Variants in DERL2 observed in about 807,000 individuals in gnomAD.
DERL2 encodes derlin 2.
In DERL2, 13 loss-of-function variants were observed where a neutral mutation model predicts 32.0. The observed-to-expected ratio is 0.41, with a 90% CI of 0.26 to 0.65. The LOEUF is 0.65. Ranked by LOEUF, DERL2 falls within the 30% of genes least tolerant of loss-of-function variation. The pLI is 0.35. For missense variants in DERL2, 208 were observed against 296.3 expected (o/e 0.70, Z 2.19); for synonymous variants, 111 against 104.7 (o/e 1.06, Z -0.37).
intron 6 of DERL2, among the ~76,000 whole-genome samples, chr17:5,478,679 G>C (rs1905551294): frequency 6.6e-6 from 1 of 152,124 alleles, no homozygotes; most frequent in Non-Finnish European, 1.5e-5. Context: ...TTACAGAAGA[G>C]AAAACCAAGC....
At position 5,486,128 on chromosome 17, in the gene DERL2, G is replaced by GCAGGTACTC; in HGVS notation, c.25_33dup (p.Glu9_Leu11dup). ...TAGGCGCGGCTGACCGGTGGGATCT[G>GCAGGTACTC]CAGGTACTCCAGCCGCAAGCTCTGG... On this transcript the variant is annotated inframe_insertion, in exon 1 of 7. Transcript: ENST00000158771. 6.2e-7 allele frequency: 1 copy of GCAGGTACTC among 1,610,630 alleles called. No individual in the cohort carries two copies. Among genetic ancestry groups the GCAGGTACTC allele is most frequent in the Non-Finnish European group, 8.5e-7 (1 of 1,178,612 alleles).
In DERL2 at chr17:5,481,439, A is replaced by T. The variant is rs780149617; in HGVS notation, c.234-50T>A. On this transcript the variant is annotated intron_variant, in intron 3 of 6. Transcript: ENST00000158771. The surrounding 1 kb of genome is among the most constrained non-coding windows in gnomAD (Gnocchi z 4.4). ...TTAAGCACACGAATATGAACAAAGTAAAAATTTAATGTTATCTTGTAAGTA... is the reference window on the plus strand; with the variant it reads ...TTAAGCACACGAATATGAACAAAGTTAAAATTTAATGTTATCTTGTAAGTA... 9.1e-6 allele frequency: 12 copies of T among 1,315,926 alleles called. No homozygotes were observed. The highest frequency in any genetic ancestry group is 1.3e-5 in the Non-Finnish European group (12 of 914,694). The allele number at this position is 1,315,926 out of a possible 1,614,324, so 81.5% of individuals were successfully genotyped here.
chr17:5,476,550 G>T (rs1045716332), intron 6 of DERL2, among the ~76,000 whole-genome samples: 1 of 152,154 alleles, frequency 6.6e-6, no homozygotes, highest in South Asian at 2.1e-4. Context: ...GGGAGGCCGA[G>T]GAGGGTGGAT....
In DERL2 at chr17:5,480,402, T is replaced by C. The variant is rs1905696909; in HGVS notation, c.508A>G (p.Ile170Val). 2.5e-6 allele frequency: 4 copies of C among 1,613,680 alleles called. No homozygotes were observed. The East Asian group carries it at 8.9e-5, about 36-fold the overall frequency. ...AGAGCCTTACCCAAAAGGTCCACAATGATTGAGTTCCCCAACAACAAGGAA... is the reference window on the plus strand; with the variant it reads ...AGAGCCTTACCCAAAAGGTCCACAACGATTGAGTTCCCCAACAACAAGGAA... ...GFSLLLGNSIIVDLLGIAVGH... is the reference protein window; with the variant it reads ...GFSLLLGNSIVVDLLGIAVGH... Residue 170 changes from isoleucine (I) to valine (V), a missense_variant, in exon 5 of 7, where the codon ATT (isoleucine) becomes GTT (valine). Physicochemically the swap from Ile to Val is conservative, Grantham distance 29 (BLOSUM62 3). Transcript: ENST00000158771.
At position 5,481,478 on chromosome 17, in the gene DERL2, T is replaced by C; in HGVS notation, c.234-89A>G. On this transcript the variant is annotated intron_variant, in intron 3 of 6. Transcript: ENST00000158771. The surrounding 1 kb of genome is among the most constrained non-coding windows in gnomAD (Gnocchi z 4.4). ...ATCTTGTAAGTACACTTGGATTCCA[T>C]ATTATTTGTAATTAGTCAAGTCTTC... 6.8e-6 allele frequency: 6 copies of C among 880,584 alleles called. No individual in the cohort carries two copies. Among genetic ancestry groups the C allele is most frequent in the Non-Finnish European group, 1.1e-5 (6 of 543,120 alleles). The allele number at this position is 880,584 out of a possible 1,614,324, so 54.5% of individuals were successfully genotyped here.
At chr17:5,478,382 A>G (rs909628355) in intron 6 of DERL2, among the ~76,000 whole-genome samples, 2 of 152,204 alleles carry the variant, frequency 1.3e-5, no homozygotes, top group Non-Finnish European at 2.9e-5. Flanking sequence ...CTGCATATGT[A>G]ATTTCTTGTA....
intron 6 of DERL2, among the ~76,000 whole-genome samples, chr17:5,475,056 T>C (rs1461181500): frequency 6.6e-6 from 1 of 152,194 alleles, no homozygotes; most frequent in Non-Finnish European, 1.5e-5. Flanking sequence ...ATATCCTCAA[T>C]TTCCAGAGGT....
At position 5,474,555 on chromosome 17, in the gene DERL2, TA is replaced by T. The variant is rs1905269061; in HGVS notation, c.*128del. On this transcript the variant is annotated 3_prime_UTR_variant, in exon 7 of 7. Transcript: ENST00000158771. This position sits in a 1 kb window ranked among gnomAD's most constrained non-coding sequence, Gnocchi z 4.3. ...CTGGATTAGTCAGTGTACCATTTCA[TA>T]AAGTGCTTCTGGAGTTAAAATCTGC... 2 of 675,456 alleles carry T rather than the reference TA, an allele frequency of 3.0e-6. No homozygotes were observed. The highest frequency in any genetic ancestry group is 2.5e-6 in the Non-Finnish European group (1 of 394,040). 41.8% of individuals were successfully genotyped at this position (675,456 alleles called of 1,614,324 possible). A position where few individuals can be genotyped will look rare whatever the true frequency, so the allele number is the denominator to read the frequency against.
chr17:5,486,369 G>T (rs1466030567), upstream of DERL2: 4 of 454,910 alleles, frequency 8.8e-6, no homozygotes. Flanking sequence ...CCCCCCCAGC[G>T]CCCCATCTCC....
chr17:5,476,450 A>C (rs111640031), intron 6 of DERL2, among the ~76,000 whole-genome samples: 4,463 of 152,278 alleles, frequency 0.029, 77 homozygotes, highest in Middle Eastern at 0.054. Flanking sequence ...AAACGTGAGA[A>C]TGTTTGCTCT....
At chr17:5,486,338 A>C, upstream of DERL2, 12 of 392,136 alleles carry the variant, frequency 3.1e-5, no homozygotes, top group South Asian at 1.1e-4. Context: ...TCCGCCAATC[A>C]CGAGTTGCGT....
At chr17:5,479,059 A>G (rs978895112) in intron 6 of DERL2, among the ~76,000 whole-genome samples, 1 of 152,020 alleles carries the variant, frequency 6.6e-6, no homozygotes, top group Non-Finnish European at 1.5e-5. Context: ...AGTTCAAGTG[A>G]TCCGTCTGCC....
intron 6 of DERL2, among the ~76,000 whole-genome samples, chr17:5,475,479 G>C (rs982773616): frequency 5.9e-5 from 9 of 152,044 alleles, no homozygotes; most frequent in Non-Finnish European, 1.0e-4. Context: ...GACTGGTCTC[G>C]AACTCCTGAA....
chr17:5,483,624 C>A (rs997798803), intron 2 of DERL2, among the ~76,000 whole-genome samples: 1 of 152,158 alleles, frequency 6.6e-6, no homozygotes, highest in Non-Finnish European at 1.5e-5. Flanking sequence ...CAAGCTACCC[C>A]CAATTCACAG....
intron 3 of DERL2, 44 bp downstream of exon 3, chr17:5,482,765 C>T: frequency 8.9e-7 from 1 of 1,122,160 alleles, no homozygotes; most frequent in Non-Finnish European, 1.3e-6. Context: ...TTTTTTACTT[C>T]CTAAGAAAAA....
chr17:5,475,252 A>T (rs909146814), intron 6 of DERL2, among the ~76,000 whole-genome samples: 1 of 151,938 alleles, frequency 6.6e-6, no homozygotes, highest in African/African-American at 2.4e-5. Context: ...ACACACATAT[A>T]ATAGAATTTT....
intron 3 of DERL2, 169 bp downstream of exon 3, chr17:5,482,640 T>TTTTCAAA (rs1905866362): frequency 1.2e-5 from 6 of 516,586 alleles, no homozygotes; most frequent in Non-Finnish European, 2.1e-5. Context: ...CAAAGTGACC[T>TTTTCAAA]ACAGACATTT....
intron 6 of DERL2, among the ~76,000 whole-genome samples, chr17:5,475,258 ATTTT>A (rs542436073): frequency 7.0e-6 from 1 of 141,922 alleles, no homozygotes; most frequent in Non-Finnish European, 1.6e-5. Flanking sequence ...ATATAATAGA[ATTTT>A]TTTTTTTTTT....
chr17:5,483,646 A>G (rs571337836), intron 2 of DERL2, among the ~76,000 whole-genome samples: 30 of 152,210 alleles, frequency 2.0e-4, no homozygotes, highest in Non-Finnish European at 3.4e-4. Context: ...TAGGAGACTA[A>G]AAGTTGACTG....
Sources: gnomAD v4.1 joint callset for allele counts (sites outside exome capture counted in the v4.1 genomes callset) on GRCh38, gnomAD v4.1.1 for gene constraint, Gnocchi (gnomAD v3.1) non-coding constraint, MANE v1.5 for transcripts, NCBI Gene and HGNC (gene_info 2026-07-23, HGNC 2026-07-21) for gene names.